The following TTC27 variants were observed in gnomAD, a reference collection of about 807,000 sequenced individuals.
TTC27 encodes tetratricopeptide repeat domain 27.
In TTC27, 79 loss-of-function variants were observed where a neutral mutation model predicts 115.9. The observed-to-expected ratio is 0.68, with a 90% CI of 0.57 to 0.82. TTC27 has a LOEUF of 0.82. Ranked by LOEUF, TTC27 falls within the 40% of genes least tolerant of loss-of-function variation. The pLI, the probability that TTC27 is intolerant of heterozygous loss-of-function variation, is 0.00. For synonymous variants in TTC27, 401 were observed against 356.0 expected (o/e 1.13, Z -1.42); for missense variants, 1,054 against 993.1 (o/e 1.06, Z -0.82).
chr2:32,799,044 A>G (rs1409970942), intron 16 of TTC27, among the ~76,000 whole-genome samples: 4 of 152,248 alleles, frequency 2.6e-5, no homozygotes, highest in Non-Finnish European at 5.9e-5. Flanking sequence ...ACAATGGAAT[A>G]TTAGTCTTAA....
intron 4 of TTC27, among the ~76,000 whole-genome samples, chr2:32,642,738 G>GCT (rs1664700788): frequency 6.6e-6 from 1 of 151,876 alleles, no homozygotes; most frequent in Non-Finnish European, 1.5e-5. Flanking sequence ...CATGATCTCA[G>GCT]CTCACTGCAA....
intron 15 of TTC27, among the ~76,000 whole-genome samples, chr2:32,784,286 A>G (rs1389050340): frequency 6.6e-6 from 1 of 152,164 alleles, no homozygotes; most frequent in South Asian, 2.1e-4. Flanking sequence ...CTCCACAAAT[A>G]GGTTTTCATG....
intron 14 of TTC27, chr2:32,780,114 T>C: frequency 2.1e-6 from 1 of 466,618 alleles, no homozygotes; most frequent in Non-Finnish European, 4.5e-6. Flanking sequence ...GAAAATGCTG[T>C]GAGTACTCCA....
At chr2:32,682,142 A>G (rs1317548087) in intron 9 of TTC27, among the ~76,000 whole-genome samples, 1 of 151,898 alleles carries the variant, frequency 6.6e-6, no homozygotes, top group Non-Finnish European at 1.5e-5. Flanking sequence ...AGTTGTTGTG[A>G]ATAAATGCAT....
intron 5 of TTC27, among the ~76,000 whole-genome samples, chr2:32,656,933 C>A (rs35409636): frequency 1.3e-5 from 2 of 151,930 alleles, no homozygotes; most frequent in Admixed American, 1.3e-4. Context: ...TACCCTACCC[C>A]ATTTTTAGGG....
intron 4 of TTC27, among the ~76,000 whole-genome samples, chr2:32,645,126 C>G (rs1162710684): frequency 1.3e-5 from 2 of 151,890 alleles, no homozygotes; most frequent in Non-Finnish European, 2.9e-5. Context: ...AACCTGACTC[C>G]AAGAAATGTA....
chr2:32,806,472 A>T (rs550034364), intron 16 of TTC27, among the ~76,000 whole-genome samples: 2 of 152,224 alleles, frequency 1.3e-5, no homozygotes, highest in African/African-American at 4.8e-5. Flanking sequence ...CTTAGTGGGA[A>T]TAAAAATGAT....
chr2:32,717,817 A>AT (rs1667802746), intron 10 of TTC27, among the ~76,000 whole-genome samples: 1 of 151,660 alleles, frequency 6.6e-6, no homozygotes, highest in African/African-American at 2.4e-5. Context: ...ATTTTTTAGA[A>AT]TTTTCTCTTT....
chr2:32,700,686 C>T (rs182671569), intron 9 of TTC27, among the ~76,000 whole-genome samples: 115 of 152,202 alleles, frequency 7.6e-4, no homozygotes, highest in African/African-American at 2.4e-3. Flanking sequence ...CACAGGCACT[C>T]GCCATCATGC....
chr2:32,765,448 C>A (rs1669593756), intron 13 of TTC27, among the ~76,000 whole-genome samples: 1 of 150,548 alleles, frequency 6.6e-6, no homozygotes, highest in African/African-American at 2.4e-5. Flanking sequence ...GTCTTCTGGG[C>A]TTCATTGTTC....
chr2:32,766,256 G>A (rs1218268266), intron 13 of TTC27, among the ~76,000 whole-genome samples: 1 of 152,096 alleles, frequency 6.6e-6, no homozygotes, highest in African/African-American at 2.4e-5. Flanking sequence ...TCAAATCAGG[G>A]TATTTAGCAT....
At position 32,811,062 on chromosome 2, in the gene TTC27, G is replaced by A; in HGVS notation, c.2037G>A (p.Met679Ile). The change falls in exon 17 of 20, where the codon ATG (methionine) becomes ATA (isoleucine). Residue 679 changes from methionine to isoleucine, a missense_variant. Transcript: ENST00000317907. ...KILVRAVIDG[M>I]TDRSGDVATG... ...TAGTCAGGGCAGTGATTGATGGGAT[G>A]ACTGATCGAAGTGGAGATGTTGCAA... The A allele has an allele frequency of 6.2e-7, 1 of 1,614,152 alleles. No individual in the cohort carries two copies. Among genetic ancestry groups the A allele is most frequent in the African/African-American group, 1.3e-5 (1 of 75,040 alleles).
At chr2:32,760,215 A>T (rs535681279) in intron 13 of TTC27, among the ~76,000 whole-genome samples, 73 of 152,218 alleles carry the variant, frequency 4.8e-4, no homozygotes, top group Non-Finnish European at 8.7e-4. Context: ...ATCAGGTAAA[A>T]AGCCTGGAGA....
intron 13 of TTC27, among the ~76,000 whole-genome samples, chr2:32,767,298 A>G (rs1669662569): frequency 6.6e-6 from 1 of 152,206 alleles, no homozygotes; most frequent in Non-Finnish European, 1.5e-5. Context: ...AGAGGCCTGT[A>G]ATTTAGCAGC....
intron 15 of TTC27, among the ~76,000 whole-genome samples, chr2:32,784,963 C>G (rs888474697): frequency 7.9e-5 from 12 of 152,220 alleles, no homozygotes; most frequent in African/African-American, 2.6e-4. Flanking sequence ...GACATGTTTC[C>G]TTTCTTTTTG....
At chr2:32,714,932 GTTGTTTT>G (rs1468103881) in intron 10 of TTC27, among the ~76,000 whole-genome samples, 1 of 152,000 alleles carries the variant, frequency 6.6e-6, no homozygotes, top group Non-Finnish European at 1.5e-5. Flanking sequence ...TTTTAATGGG[GTTGTTTT>G]TTGTTTTTTG....
intron 9 of TTC27, among the ~76,000 whole-genome samples, chr2:32,699,196 C>G (rs1667100230): frequency 6.6e-6 from 1 of 152,190 alleles, no homozygotes; most frequent in South Asian, 2.1e-4. Flanking sequence ...AGGAACCAAA[C>G]TAGATGCAGT....
intron 13 of TTC27, among the ~76,000 whole-genome samples, chr2:32,759,840 C>T (rs1002055788): frequency 1.3e-5 from 2 of 152,180 alleles, no homozygotes; most frequent in African/African-American, 4.8e-5. Flanking sequence ...TGGAATCATA[C>T]AATATTTGTC....
rs70938359 is a variant in TTC27 at position 32,681,980 on chromosome 2, A to ATGTGTGTG, written c.1119+3098_1119+3105dup. 1.8e-3 allele frequency among the ~76,000 whole-genome samples: 159 copies of ATGTGTGTG among 90,014 alleles called. 2 individuals are homozygous for ATGTGTGTG. The highest frequency in any genetic ancestry group is 0.013 in the South Asian group (29 of 2,308). The allele number at this position is 90,014 out of a possible 152,430, so 59.1% of individuals were successfully genotyped here. On this transcript the variant is annotated intron_variant, in intron 9 of 19. Transcript: ENST00000317907. Reference sequence around the variant, plus strand: ...TAATTATTTATATATATGTATATATATGTGTGTGTGTGTGTGTGTGTGTGT... The same window carrying ATGTGTGTG: ...TAATTATTTATATATATGTATATATATGTGTGTGTGTGTGTGTGTGTGTGTGTGTGTGT...
Sources: allele counts gnomAD v4.1 joint callset (sites outside exome capture counted in the v4.1 genomes callset), GRCh38; gene constraint gnomAD v4.1.1; transcripts MANE v1.5; gene names NCBI Gene and HGNC (gene_info 2026-07-23, HGNC 2026-07-21).